Variants in PRDM16 observed in about 807,000 individuals in gnomAD.
PRDM16 encodes the protein histone-lysine N-methyltransferase PRDM16.
In PRDM16, 23 loss-of-function variants were observed where a neutral mutation model predicts 110.6. That is an observed-to-expected ratio of 0.21 (90% CI 0.15 to 0.29). The LOEUF is 0.29. PRDM16 is among the 10% of genes least tolerant of loss of function. PRDM16 has a pLI of 1.00. For synonymous variants in PRDM16, 799 were observed against 781.8 expected, an observed-to-expected ratio of 1.02 and a Z score of -0.37; for missense variants, 1,615 against 1,794.3, an observed-to-expected ratio of 0.90 and a Z score of 1.81.
intron 3 of PRDM16, among the ~76,000 whole-genome samples, chr1:3,338,206 G>A (rs886265422): frequency 7.9e-5 from 12 of 152,234 alleles, no homozygotes; most frequent in Non-Finnish European, 1.6e-4. Context: ...AAGGACCCTC[G>A]CAAGGCAGGA....
At chr1:3,125,792 G>A (rs1420730271) in intron 1 of PRDM16, among the ~76,000 whole-genome samples, 7 of 152,308 alleles carry the variant, frequency 4.6e-5, no homozygotes, top group East Asian at 1.9e-4. Flanking sequence ...GGAGCGGAGC[G>A]CGGCACAGGC....
chr1:3,185,476 C>T (rs904533266), intron 1 of PRDM16, among the ~76,000 whole-genome samples: 11 of 152,012 alleles, frequency 7.2e-5, no homozygotes, highest in Non-Finnish European at 1.5e-4. Context: ...GCCCAGGCTG[C>T]GGCCCAAGTG....
rs535831688 is a variant in PRDM16 at position 3,357,064 on chromosome 1, T to C, written c.439-28088T>C. On this transcript the variant is annotated intron_variant, in intron 3 of 16. Transcript: ENST00000270722. ...AGGACCCTGAAAGTTGCTGCCATCC[T>C]CAGGCGGGTGCAGAAAAGGAGTTTC... 7.2e-5 allele frequency among the ~76,000 whole-genome samples: 11 copies of C among 152,274 alleles called. No homozygotes were observed. In the South Asian group the frequency reaches 2.3e-3, roughly 32 times the overall value.
intron 1 of PRDM16, among the ~76,000 whole-genome samples, chr1:3,114,482 A>C (rs1018000967): frequency 7.1e-6 from 1 of 141,746 alleles, no homozygotes; most frequent in Non-Finnish European, 1.5e-5. Flanking sequence ...GTAAACAGAC[A>C]CGCACGCACG....
intron 1 of PRDM16, among the ~76,000 whole-genome samples, chr1:3,173,368 G>C (rs548442052): frequency 6.6e-6 from 1 of 152,214 alleles, no homozygotes; most frequent in Non-Finnish European, 1.5e-5. Context: ...AGGCGGCGAG[G>C]AAATACAGGA....
At chr1:3,216,700 G>A (rs1639038060) in intron 2 of PRDM16, among the ~76,000 whole-genome samples, 1 of 152,258 alleles carries the variant, frequency 6.6e-6, no homozygotes, top group African/African-American at 2.4e-5. Context: ...GGAGGCTGTG[G>A]TTGGCCTCAC....
At position 3,255,927 on chromosome 1, in the gene PRDM16, A is replaced by G. The variant is rs1477009521; in HGVS notation, c.438+11790A>G. The stretch of plus-strand genomic sequence containing the variant: ...GTGGCCGCACCGACACCTGAAGCCA[A>G]TCCCGTGGCCACACCAACAGTACAG... On this transcript the variant is annotated intron_variant, in intron 3 of 16. Coordinates refer to ENST00000270722, the MANE Select transcript of PRDM16 (RefSeq NM_022114.4). The surrounding 1 kb of genome is among the most constrained non-coding windows in gnomAD (Gnocchi z 4.7). Among the ~76,000 whole-genome samples, 2 of 152,022 alleles carry G rather than the reference A, an allele frequency of 1.3e-5. No homozygotes were observed. Among genetic ancestry groups the G allele is most frequent in the Non-Finnish European group, 2.9e-5 (2 of 68,016 alleles).
intron 1 of PRDM16, among the ~76,000 whole-genome samples, chr1:3,087,101 T>A (rs928280850): frequency 6.6e-6 from 1 of 152,112 alleles, no homozygotes; most frequent in Non-Finnish European, 1.5e-5. Context: ...TGGGAGCACC[T>A]GTTCCTTTGG....
chr1:3,193,552 T>C (rs1472946638), intron 2 of PRDM16, among the ~76,000 whole-genome samples: 2 of 152,090 alleles, frequency 1.3e-5, no homozygotes, highest in East Asian at 3.9e-4. Flanking sequence ...ACCTCCGCAC[T>C]CTCCATCCCA....
At chr1:3,231,864 G>A (rs1639425076) in intron 2 of PRDM16, among the ~76,000 whole-genome samples, 1 of 152,248 alleles carries the variant, frequency 6.6e-6, no homozygotes, top group Non-Finnish European at 1.5e-5. Flanking sequence ...CGCCCCAAGA[G>A]AGTAAAGCTG....
intron 3 of PRDM16, among the ~76,000 whole-genome samples, chr1:3,354,197 G>T (rs1642549183): frequency 6.6e-6 from 1 of 152,170 alleles, no homozygotes; most frequent in African/African-American, 2.4e-5. Context: ...TGGCGGCTCA[G>T]GCCTGTAATC....
At position 3,431,058 on chromosome 1, in the gene PRDM16, G is replaced by A. The variant is rs1638752992; in HGVS notation, c.3471G>A (p.Glu1157=). ...PEPQAAYEDE[E]DEEPAASLAV... is the part of the protein sequence containing the mutation. Reference sequence around the variant, plus strand: ...CCCAGGCCGCCTACGAGGATGAGGAGGATGAGGAGCCAGCCGCCTCCCTGG... The same window carrying A: ...CCCAGGCCGCCTACGAGGATGAGGAAGATGAGGAGCCAGCCGCCTCCCTGG... The change falls in exon 15 of 17, where the codon GAG becomes GAA. Residue 1157 remains glutamate, a synonymous_variant. Transcript: ENST00000270722. The A allele has an allele frequency of 2.6e-6, 4 of 1,556,750 alleles. No individual in the cohort carries two copies. Among genetic ancestry groups the A allele is most frequent in the Non-Finnish European group, 3.5e-6 (4 of 1,150,466 alleles).
At chr1:3,152,714 G>A (rs1490758120) in intron 1 of PRDM16, among the ~76,000 whole-genome samples, 1 of 152,228 alleles carries the variant, frequency 6.6e-6, no homozygotes, top group Non-Finnish European at 1.5e-5. Context: ...GGTTTCTGAT[G>A]CGTGGCTGGG....
At chr1:3,415,407 G>T (rs2493287) in intron 10 of PRDM16, among the ~76,000 whole-genome samples, 2,390 of 152,370 alleles carry the variant, frequency 0.016, 53 homozygotes, top group African/African-American at 0.054. Context: ...CCAGACCGGG[G>T]CATTGTTCTC....
At position 3,074,069 on chromosome 1, in the gene PRDM16, T is replaced by A. The variant is rs527443315; in HGVS notation, c.37+4773T>A. Among the ~76,000 whole-genome samples the A allele has an allele frequency of 8.6e-5, 13 of 151,784 alleles. No homozygotes were observed. The South Asian group carries it at 2.7e-3, about 32-fold the overall frequency. ...GGTGCAGAGAAACGGAGGCAGAGGG[T>A]GGGGGTCTGGCTTTCCAGGGTAGAC... On this transcript the variant is annotated intron_variant, in intron 1 of 16. Transcript: ENST00000270722.
chr1:3,428,874 G>T (rs1638690732), intron 14 of PRDM16, among the ~76,000 whole-genome samples: 1 of 152,248 alleles, frequency 6.6e-6, no homozygotes, highest in African/African-American at 2.4e-5. Context: ...CCCCAATCCA[G>T]CGGCACTGAC....
intron 1 of PRDM16, among the ~76,000 whole-genome samples, chr1:3,172,886 G>A (rs1365027411): frequency 6.6e-6 from 1 of 152,216 alleles, no homozygotes; most frequent in Non-Finnish European, 1.5e-5. Flanking sequence ...CGCACAGCAT[G>A]AATGTGCTTA....
chr1:3,086,285 G>A (rs1044423228), intron 1 of PRDM16, among the ~76,000 whole-genome samples: 14 of 152,112 alleles, frequency 9.2e-5, no homozygotes, highest in South Asian at 2.1e-4. Context: ...TGCCCTGGGC[G>A]CACCTGCTGC....
At chr1:3,309,462 G>C (rs1215970056) in intron 3 of PRDM16, 1 of 152,234 alleles carries the variant, frequency 6.6e-6, no homozygotes, top group Non-Finnish European at 1.5e-5. Flanking sequence ...GCATTTCCAA[G>C]GCTTCATAGA....
Sources: gnomAD v4.1 joint callset for allele counts (sites outside exome capture counted in the v4.1 genomes callset) on GRCh38, gnomAD v4.1.1 for gene constraint, Gnocchi (gnomAD v3.1) non-coding constraint, MANE v1.5 for transcripts, NCBI Gene and HGNC (gene_info 2026-07-23, HGNC 2026-07-21) for gene names.